The following RORA variants were observed in gnomAD, a reference collection of about 807,000 sequenced individuals.
RORA encodes nuclear receptor ROR-alpha.
Under a neutral mutation model 69.5 loss-of-function variants are expected in RORA, and 7 were observed. The observed-to-expected ratio is 0.10, with a 90% CI of 0.06 to 0.19. RORA has a LOEUF of 0.19. Ranked by LOEUF, RORA falls within the 10% of genes least tolerant of loss-of-function variation. RORA has a pLI of 1.00. For missense variants in RORA, 457 were observed against 663.0 expected, an observed-to-expected ratio of 0.69 and a Z score of 3.41; for synonymous variants, 261 against 240.8, an observed-to-expected ratio of 1.08 and a Z score of -0.78.
chr15:60,592,620 T>G (rs1213381696), intron 2 of RORA: 69 of 1,129,252 alleles, frequency 6.1e-5, no homozygotes, highest in East Asian at 1.7e-4. Flanking sequence ...GCCCCTCCGC[T>G]TCCTCCCGGG....
intron 2 of RORA, among the ~76,000 whole-genome samples, chr15:60,599,348 T>C (rs1015794338): frequency 2.0e-5 from 3 of 152,050 alleles, no homozygotes; most frequent in African/African-American, 7.2e-5. Flanking sequence ...GTCAGGAGAT[T>C]GAGACCAGCC....
chr15:61,151,708 C>T (rs377501024), intron 1 of RORA, among the ~76,000 whole-genome samples: 49 of 152,142 alleles, frequency 3.2e-4, no homozygotes, highest in African/African-American at 1.1e-3. Context: ...ACCTGTAAAA[C>T]GAAAAGTTTC....
intron 1 of RORA, among the ~76,000 whole-genome samples, chr15:60,856,931 T>C (rs2073386356): frequency 6.6e-6 from 1 of 152,218 alleles, no homozygotes; most frequent in Non-Finnish European, 1.5e-5. Context: ...AGAGGAAGGA[T>C]GAGGAATAAT....
intron 1 of RORA, among the ~76,000 whole-genome samples, chr15:60,680,978 T>A (rs893366736): frequency 1.3e-5 from 2 of 152,216 alleles, no homozygotes; most frequent in Non-Finnish European, 2.9e-5. Flanking sequence ...TAATTTTTTT[T>A]AACCTAGCCA....
intron 1 of RORA, among the ~76,000 whole-genome samples, chr15:60,740,901 C>A (rs940338666): frequency 2.6e-5 from 4 of 152,102 alleles, no homozygotes; most frequent in African/African-American, 4.8e-5. Context: ...CAGACTGACC[C>A]AAAAGGTTGG....
Position 60,505,622 on chromosome 15 carries a change from A to C in RORA, c.828T>G (p.Leu276=), listed in dbSNP as rs1261554515. ...PTVSMAELEH[L]AQNISKSHLE... is the part of the protein sequence containing the mutation. The stretch of plus-strand genomic sequence containing the variant: ...GATGCGATTTAGATATATTCTGTGC[A>C]AGGTGTTCTAAGGAGAAAACGGGAG... The change falls in exon 6 of 11, where the codon CTT becomes CTG. Residue 276 remains leucine, a synonymous_variant. Coordinates refer to ENST00000335670, the MANE Select transcript of RORA (RefSeq NM_134261.3). 6.2e-7 allele frequency: 1 copy of C among 1,613,650 alleles called. No homozygotes were observed. The highest frequency in any genetic ancestry group is 8.5e-7 in the Non-Finnish European group (1 of 1,179,746).
Position 60,640,375 on chromosome 15 carries a change from G to A in RORA, c.196+38282C>T, listed in dbSNP as rs75492392. Among the ~76,000 whole-genome samples, 984 of 152,242 alleles carry A rather than the reference G, an allele frequency of 6.5e-3. 10 individuals carry two copies. Among genetic ancestry groups the A allele is most frequent in the African/African-American group, 0.021 (891 of 41,540 alleles). On this transcript the variant is annotated intron_variant, in intron 2 of 10. Coordinates refer to ENST00000335670, the MANE Select transcript of RORA (RefSeq NM_134261.3). ...GTCAGTCCAACGTGTAGGCCGTTGC[G>A]ATGCCTTCCTAACTGGTTTTCCTCC... is the stretch of plus-strand genomic sequence containing the variant.
chr15:60,920,455 C>G (rs1311368299), intron 1 of RORA, among the ~76,000 whole-genome samples: 2 of 152,206 alleles, frequency 1.3e-5, no homozygotes, highest in African/African-American at 4.8e-5. Context: ...CATCCTCAGA[C>G]CATGGCTGTC....
At chr15:60,883,820 T>C (rs561453049) in intron 1 of RORA, among the ~76,000 whole-genome samples, 1 of 151,832 alleles carries the variant, frequency 6.6e-6, no homozygotes, top group Non-Finnish European at 1.5e-5. Flanking sequence ...TACGAAAGGG[T>C]GTTGAGTACT....
intron 1 of RORA, among the ~76,000 whole-genome samples, chr15:61,204,447 T>C (rs1221978196): frequency 1.3e-5 from 2 of 152,284 alleles, no homozygotes; most frequent in Middle Eastern, 3.4e-3. Context: ...GAGGTGAGAA[T>C]GCAGAGCATG....
chr15:60,855,154 G>A (rs897830079), intron 1 of RORA, among the ~76,000 whole-genome samples: 2 of 152,220 alleles, frequency 1.3e-5, no homozygotes, highest in African/African-American at 4.8e-5. Context: ...GGGAGACACA[G>A]CCAATTTGGT....
intron 1 of RORA, among the ~76,000 whole-genome samples, chr15:60,845,743 C>T (rs1289531572): frequency 6.6e-6 from 1 of 152,118 alleles, no homozygotes; most frequent in East Asian, 1.9e-4. Context: ...GTATGTGAAG[C>T]CATTTTTTTG....
At chr15:60,598,184 C>G (rs2068739160) in intron 2 of RORA, among the ~76,000 whole-genome samples, 1 of 152,298 alleles carries the variant, frequency 6.6e-6, no homozygotes, top group South Asian at 2.1e-4. Flanking sequence ...ACCCCATCAG[C>G]CCTTACATTG....
At chr15:60,947,548 A>T (rs1892931471) in intron 1 of RORA, among the ~76,000 whole-genome samples, 1 of 152,002 alleles carries the variant, frequency 6.6e-6, no homozygotes, top group East Asian at 1.9e-4. Context: ...AGGGACACAA[A>T]CACTGCGGAA....
intron 1 of RORA, among the ~76,000 whole-genome samples, chr15:61,028,644 T>C (rs987361094): frequency 6.6e-6 from 1 of 152,220 alleles, no homozygotes; most frequent in Admixed American, 6.5e-5. Context: ...GCAGTAACCC[T>C]ATCTAGCAGG....
chr15:60,782,670 A>G (rs1026370231), intron 1 of RORA, among the ~76,000 whole-genome samples: 1 of 152,192 alleles, frequency 6.6e-6, no homozygotes, highest in African/African-American at 2.4e-5. Flanking sequence ...AAGTTTCCCG[A>G]AGACAACCCC....
intron 1 of RORA, among the ~76,000 whole-genome samples, chr15:60,906,442 G>T (rs1891544544): frequency 6.6e-6 from 1 of 152,156 alleles, no homozygotes; most frequent in African/African-American, 2.4e-5. Context: ...TTTCAAACAG[G>T]GTCTAAAGGT....
intron 1 of RORA, among the ~76,000 whole-genome samples, chr15:61,175,544 A>ATAAAAAAAAT (rs1555417225): frequency 6.7e-6 from 1 of 149,678 alleles, no homozygotes; most frequent in East Asian, 2.0e-4. Context: ...CTGTTTCTAA[A>ATAAAAAAAAT]AAAAAAAAAA....
Position 60,493,465 on chromosome 15 carries a change from A to G in RORA, c.*3990T>C, listed in dbSNP as rs1295206834. On this transcript the variant is annotated 3_prime_UTR_variant, in exon 11 of 11. Coordinates refer to ENST00000335670, the MANE Select transcript of RORA (RefSeq NM_134261.3). ...TGAGAGAAGCTTACATACTACTTAA[A>G]CCTTTTCATGAAAGATACTACTAGG... 6.6e-6 allele frequency: 1 copy of G among 152,126 alleles called. No homozygotes were observed. The highest frequency in any genetic ancestry group is 2.4e-5 in the African/African-American group (1 of 41,430). The allele number at this position is 152,126 out of a possible 1,614,324, so 9.4% of individuals were successfully genotyped here.
Sources: allele counts gnomAD v4.1 joint callset (sites outside exome capture counted in the v4.1 genomes callset), GRCh38; gene constraint gnomAD v4.1.1; transcripts MANE v1.5; gene names NCBI Gene and HGNC (gene_info 2026-07-23, HGNC 2026-07-21).